NPSR1: variants seen among roughly 807,000 people sequenced by gnomAD.
NPSR1 encodes the protein neuropeptide S receptor 1.
NPSR1 carries 48 observed loss-of-function variants against 46.9 expected under a neutral mutation model. The observed-to-expected ratio is 1.02, with a 90% CI of 0.81 to 1.30. NPSR1 has a LOEUF of 1.30. NPSR1 is among the 50% of genes most tolerant of loss of function. The pLI, the probability that NPSR1 is intolerant of heterozygous loss-of-function variation, is 0.00. For synonymous variants in NPSR1, 176 were observed against 168.1 expected, an observed-to-expected ratio of 1.05 and a Z score of -0.36; for missense variants, 450 against 449.5, an observed-to-expected ratio of 1.00 and a Z score of -0.01.
At chr7:34,854,564 A>T (rs1447887612), downstream of NPSR1, among the ~76,000 whole-genome samples, 2 of 152,254 alleles carry the variant, frequency 1.3e-5, no homozygotes, top group Non-Finnish European at 2.9e-5. Context: ...TAGTAGAGTT[A>T]AACAGGGACA....
At chr7:34,859,174 A>T (rs1791125513) in intron 8 of NPSR1, among the ~76,000 whole-genome samples, 2 of 151,876 alleles carry the variant, frequency 1.3e-5, no homozygotes, top group South Asian at 4.2e-4. Flanking sequence ...ATCTATCATT[A>T]GCATCCAGTG....
chr7:34,807,196 G>T (rs150389896), intron 3 of NPSR1, among the ~76,000 whole-genome samples: 9 of 152,066 alleles, frequency 5.9e-5, no homozygotes, highest in African/African-American at 2.2e-4. Context: ...CTGCTTCATT[G>T]CTCATTGTTT....
At chr7:34,764,938 T>C (rs908257324) in intron 2 of NPSR1, among the ~76,000 whole-genome samples, 6 of 152,042 alleles carry the variant, frequency 3.9e-5, no homozygotes, top group African/African-American at 1.4e-4. Context: ...AAACCACCAG[T>C]AGCAAGCATT....
At chr7:34,782,203 C>A (rs558556100) in intron 3 of NPSR1, among the ~76,000 whole-genome samples, 1 of 152,288 alleles carries the variant, frequency 6.6e-6, no homozygotes, top group South Asian at 2.1e-4. Context: ...AATGTCATTA[C>A]CATTCTAATC....
chr7:34,794,081 AG>A (rs1251160775), intron 3 of NPSR1, among the ~76,000 whole-genome samples: 8 of 152,110 alleles, frequency 5.3e-5, no homozygotes, highest in Non-Finnish European at 1.0e-4. Flanking sequence ...TAAGTGAAAG[AG>A]GGTATGGGAG....
chr7:34,741,062 G>T (rs79670623), intron 2 of NPSR1, among the ~76,000 whole-genome samples: 4,624 of 152,286 alleles, frequency 0.03, 161 homozygotes, highest in African/African-American at 0.082. Context: ...CAATCTTATG[G>T]AGGCACTCTT....
At chr7:34,859,129 C>G (rs1370291529) in intron 8 of NPSR1, among the ~76,000 whole-genome samples, 3 of 151,664 alleles carry the variant, frequency 2.0e-5, no homozygotes, top group Non-Finnish European at 4.4e-5. Flanking sequence ...ACAGCAGAGA[C>G]AGCTGAAAGA....
intron 3 of NPSR1, among the ~76,000 whole-genome samples, chr7:34,790,194 C>T (rs1351972792): frequency 2.0e-5 from 3 of 152,008 alleles, no homozygotes; most frequent in Admixed American, 2.0e-4. Flanking sequence ...TAATTTATTC[C>T]TGGAATGCAA....
intron 2 of NPSR1, among the ~76,000 whole-genome samples, chr7:34,691,639 A>G (rs764608805): frequency 5.9e-5 from 9 of 152,232 alleles, no homozygotes; most frequent in Admixed American, 1.3e-4. Flanking sequence ...ATATAATGAT[A>G]AAAGGTTCAA....
At chr7:34,742,423 C>T (rs892046269) in intron 2 of NPSR1, among the ~76,000 whole-genome samples, 27 of 152,144 alleles carry the variant, frequency 1.8e-4, no homozygotes, top group African/African-American at 2.4e-4. Flanking sequence ...TGCGGTATTT[C>T]GTTTTCTGTT....
At chr7:34,847,192 T>A (rs1246089421) in intron 7 of NPSR1, among the ~76,000 whole-genome samples, 1 of 152,008 alleles carries the variant, frequency 6.6e-6, no homozygotes, top group Non-Finnish European at 1.5e-5. Context: ...AGTTACAGAA[T>A]CCACATTACA....
chr7:34,759,616 A>AT lies in NPSR1; in HGVS notation c.281-18846_281-18845insT, dbSNP rs1223603315. ...ATCAGCCATCTCCAATGAGCCAAGT[A>AT]AAACCATGGCATATTTAAGAGAAAG... is the stretch of plus-strand genomic sequence containing the variant. On this transcript the variant is annotated intron_variant, in intron 2 of 8. Transcript: ENST00000360581. Among the ~76,000 whole-genome samples, 1,086 of 152,310 alleles carry AT rather than the reference A, an allele frequency of 7.1e-3. 11 individuals are homozygous for AT. Among genetic ancestry groups the AT allele is most frequent in the African/African-American group, 0.025 (1,025 of 41,556 alleles).
At chr7:34,775,677 C>T (rs953547807) in intron 2 of NPSR1, among the ~76,000 whole-genome samples, 23 of 151,938 alleles carry the variant, frequency 1.5e-4, no homozygotes, top group Admixed American at 1.1e-3. Flanking sequence ...TTCAAAAATC[C>T]AACTTTTTGT....
At chr7:34,848,398 T>C (rs10270521) in intron 7 of NPSR1, 85 bp from the exon 8 acceptor site, 368,495 of 1,129,404 alleles carry the variant, frequency 0.33, 63,019 homozygotes, top group African/African-American at 0.39. Context: ...AAAGAACCTC[T>C]CAGGTAAAAG....
intron 4 of NPSR1, among the ~76,000 whole-genome samples, chr7:34,812,450 G>A (rs569312054): frequency 3.2e-4 from 49 of 152,308 alleles, no homozygotes; most frequent in African/African-American, 1.1e-3. Flanking sequence ...AGATGCTGAA[G>A]TGGGATGGGA....
At chr7:34,778,921 C>A (rs35125957) in intron 3 of NPSR1, among the ~76,000 whole-genome samples, 1 of 152,174 alleles carries the variant, frequency 6.6e-6, no homozygotes, top group East Asian at 1.9e-4. Flanking sequence ...GAACTCAACG[C>A]TGGCTACTGC....
chr7:34,829,696 G>A (rs1207105989), intron 5 of NPSR1, among the ~76,000 whole-genome samples: 1 of 152,162 alleles, frequency 6.6e-6, no homozygotes, highest in African/African-American at 2.4e-5. Context: ...CCATTAATTT[G>A]GGCTGCTTTT....
rs1277298687 is a variant in NPSR1 at position 34,729,908 on chromosome 7, G to A, written c.280+45224G>A. ...CTGCCTCAGACTCCCAAGTAACTGG[G>A]ACTACAGGCACCCACCCACCACACC... On this transcript the variant is annotated intron_variant, in intron 2 of 8. Coordinates refer to ENST00000360581, the MANE Select transcript of NPSR1 (RefSeq NM_207172.2). 2.0e-5 allele frequency among the ~76,000 whole-genome samples: 3 copies of A among 152,244 alleles called. No individual in the cohort carries two copies. In the East Asian group the frequency reaches 5.8e-4, roughly 30 times the overall value.
intron 1 of NPSR1, among the ~76,000 whole-genome samples, chr7:34,682,326 C>T (rs759333411): frequency 2.0e-5 from 3 of 152,186 alleles, no homozygotes; most frequent in Admixed American, 6.5e-5. Flanking sequence ...CCTTACCTGC[C>T]AGGCCACCTG....
Sources: gnomAD v4.1 joint callset for allele counts (sites outside exome capture counted in the v4.1 genomes callset) on GRCh38, gnomAD v4.1.1 for gene constraint, MANE v1.5 for transcripts, NCBI Gene and HGNC (gene_info 2026-07-23, HGNC 2026-07-21) for gene names.